DNER: variants seen among roughly 807,000 people sequenced by gnomAD.
The protein encoded by DNER is delta/notch like EGF repeat containing.
A neutral mutation model predicts 78.2 loss-of-function variants in DNER; 33 were observed. That is an observed-to-expected ratio of 0.42 (90% CI 0.32 to 0.56). The LOEUF is 0.56. DNER is among the 20% of genes least tolerant of loss of function. The pLI is 0.11. For missense variants in DNER, 918 were observed against 975.3 expected, an observed-to-expected ratio of 0.94 and a Z score of 0.78; for synonymous variants, 417 against 384.8, an observed-to-expected ratio of 1.08 and a Z score of -0.98.
intron 4 of DNER, among the ~76,000 whole-genome samples, chr2:229,555,825 T>A (rs963034342): frequency 1.3e-5 from 2 of 152,222 alleles, no homozygotes; most frequent in African/African-American, 4.8e-5. Flanking sequence ...TGATTACCTT[T>A]GGTAGAGAAA....
At chr2:229,363,433 G>A (rs1249274403) in intron 12 of DNER, among the ~76,000 whole-genome samples, 2 of 152,172 alleles carry the variant, frequency 1.3e-5, no homozygotes, top group Admixed American at 6.5e-5. Context: ...GCCTTTCTAG[G>A]GTTTCCAGGA....
intron 6 of DNER, among the ~76,000 whole-genome samples, chr2:229,495,946 A>T (rs542355449): frequency 1.3e-5 from 2 of 152,288 alleles, no homozygotes; most frequent in Non-Finnish European, 2.9e-5. Context: ...GGTCAGTCTA[A>T]TAACTTATTG....
intron 1 of DNER, among the ~76,000 whole-genome samples, chr2:229,637,399 C>A (rs1165689990): frequency 6.6e-6 from 1 of 152,018 alleles, no homozygotes; most frequent in Admixed American, 6.6e-5. Flanking sequence ...TTGCCAATTG[C>A]GAGGCAATTT....
At chr2:229,671,304 C>G (rs994433128) in intron 1 of DNER, among the ~76,000 whole-genome samples, 1 of 152,190 alleles carries the variant, frequency 6.6e-6, no homozygotes, top group African/African-American at 2.4e-5. Flanking sequence ...CCTTGGACAC[C>G]TGAATATGCC....
intron 5 of DNER, among the ~76,000 whole-genome samples, chr2:229,533,645 T>C (rs1015810637): frequency 1.3e-5 from 2 of 152,286 alleles, no homozygotes; most frequent in South Asian, 2.1e-4. Flanking sequence ...CTCAAGGAAG[T>C]GCACTTGGGC....
rs996897139 is a variant in DNER at position 229,357,789 on chromosome 2, C to T, written c.*751G>A. ...AGGAACCAGTACTCTCTTACATTTA[C>T]TACCTCTTAGCAACAAACAACTCAA... On this transcript the variant is annotated 3_prime_UTR_variant, in exon 13 of 13. Coordinates refer to ENST00000341772, the MANE Select transcript of DNER (RefSeq NM_139072.4). 2.0e-5 allele frequency: 3 copies of T among 152,204 alleles called. No individual in the cohort carries two copies. Among genetic ancestry groups the T allele is most frequent in the Non-Finnish European group, 4.4e-5 (3 of 68,038 alleles). 9.4% of individuals were successfully genotyped at this position (152,204 alleles called of 1,614,324 possible). A position where few individuals can be genotyped will look rare whatever the true frequency, so the allele number is the denominator to read the frequency against.
At chr2:229,397,886 A>ATT (rs1693183140) in intron 10 of DNER, among the ~76,000 whole-genome samples, 1 of 151,958 alleles carries the variant, frequency 6.6e-6, no homozygotes, top group African/African-American at 2.4e-5. Context: ...CTGAGGGGGA[A>ATT]ATTTATAGCA....
intron 1 of DNER, among the ~76,000 whole-genome samples, chr2:229,671,950 G>C (rs1194344615): frequency 2.0e-5 from 3 of 152,246 alleles, no homozygotes; most frequent in Non-Finnish European, 4.4e-5. Flanking sequence ...TCTCTGGTTT[G>C]TGTGAGGAGG....
intron 8 of DNER, among the ~76,000 whole-genome samples, chr2:229,445,401 C>T (rs946097557): frequency 2.6e-5 from 4 of 152,306 alleles, no homozygotes; most frequent in East Asian, 1.9e-4. Context: ...TGTTTCACTT[C>T]AAGGTTTATG....
intron 5 of DNER, among the ~76,000 whole-genome samples, chr2:229,543,930 C>G (rs1429554194): frequency 6.6e-6 from 1 of 152,146 alleles, no homozygotes; most frequent in Non-Finnish European, 1.5e-5. Context: ...TAAAATTCCT[C>G]CTATTAGTCT....
At chr2:229,646,659 C>T in intron 1 of DNER, among the ~76,000 whole-genome samples, 1 of 152,236 alleles carries the variant, frequency 6.6e-6, no homozygotes, top group Admixed American at 6.5e-5. Context: ...AGCAACCAAA[C>T]TCTACAAGTA....
At chr2:229,565,131 T>C (rs1010935523) in intron 4 of DNER, among the ~76,000 whole-genome samples, 4 of 152,134 alleles carry the variant, frequency 2.6e-5, no homozygotes, top group African/African-American at 7.2e-5. Flanking sequence ...AAACACTCAA[T>C]GTACGGCAGG....
intron 10 of DNER, among the ~76,000 whole-genome samples, chr2:229,395,278 C>G (rs911987057): frequency 1.3e-5 from 2 of 152,126 alleles, no homozygotes; most frequent in Non-Finnish European, 2.9e-5. Flanking sequence ...ATACTCATTT[C>G]TTTGGGAATT....
chr2:229,366,936 A>G lies in DNER; in HGVS notation c.2039T>C (p.Phe680Ser). 1 of 1,614,182 alleles carries G rather than the reference A, an allele frequency of 6.2e-7. No homozygotes were observed. The highest frequency in any genetic ancestry group is 1.7e-5 in the Admixed American group (1 of 60,020). ...GCTGTCGATGCTGCGGCAGTTGTAGAACTCCTCATAGGCTGGCCTGGAAGA... is the reference window on the plus strand; with the variant it reads ...GCTGTCGATGCTGCGGCAGTTGTAGGACTCCTCATAGGCTGGCCTGGAAGA... ...QGSSRPAYEE[F>S]YNCRSIDSEF... The change falls in exon 12 of 13, where the codon TTC (phenylalanine) becomes TCC (serine). Residue 680 changes from phenylalanine to serine, a missense_variant. Coordinates refer to ENST00000341772, the MANE Select transcript of DNER (RefSeq NM_139072.4).
intron 6 of DNER, among the ~76,000 whole-genome samples, chr2:229,485,867 T>A (rs1326575593): frequency 6.6e-6 from 1 of 152,214 alleles, no homozygotes; most frequent in Non-Finnish European, 1.5e-5. Context: ...AGGCAGAGTC[T>A]AATTGTTTCT....
chr2:229,441,825 T>A (rs987324609), intron 8 of DNER, among the ~76,000 whole-genome samples: 1 of 152,184 alleles, frequency 6.6e-6, no homozygotes, highest in African/African-American at 2.4e-5. Flanking sequence ...GCAGAAGACA[T>A]CATGGCCCAG....
intron 8 of DNER, among the ~76,000 whole-genome samples, chr2:229,446,593 T>A (rs114791410): frequency 6.6e-6 from 1 of 152,162 alleles, no homozygotes; most frequent in African/African-American, 2.4e-5. Context: ...CGTGTAAGGA[T>A]GGAGACATAC....
chr2:229,364,108 C>T (rs1362085402), intron 12 of DNER, among the ~76,000 whole-genome samples: 2 of 150,970 alleles, frequency 1.3e-5, no homozygotes, highest in African/African-American at 4.9e-5. Flanking sequence ...CATTATCCGC[C>T]CTCCTCAGCC....
chr2:229,666,908 T>C (rs13400117), intron 1 of DNER, among the ~76,000 whole-genome samples: 7,038 of 152,264 alleles, frequency 0.046, 246 homozygotes, highest in Middle Eastern at 0.095. Context: ...TGGTTCCAAA[T>C]GGGAGCCACC....
Sources: gnomAD v4.1 joint callset for allele counts (sites outside exome capture counted in the v4.1 genomes callset) on GRCh38, gnomAD v4.1.1 for gene constraint, MANE v1.5 for transcripts, NCBI Gene and HGNC (gene_info 2026-07-23, HGNC 2026-07-21) for gene names.